C11orf65: variants seen among roughly 807,000 people sequenced by gnomAD.
C11orf65 encodes the protein protein MFI.
In C11orf65, 38 loss-of-function variants were observed where a neutral mutation model predicts 35.3. That is an observed-to-expected ratio of 1.08 (90% CI 0.83 to 1.41). C11orf65 has a LOEUF of 1.41. C11orf65 is among the 40% of genes most tolerant of loss of function. The pLI is 0.00. For synonymous variants in C11orf65, 105 were observed against 114.4 expected (o/e 0.92, Z 0.53); for missense variants, 370 against 367.1 (o/e 1.01, Z -0.06).
chr11:108,422,790 G>A lies in C11orf65; in HGVS notation c.174+8956C>T, dbSNP rs549861881. ...CCAGCTACTCGAGAGGCTGAGGCAG[G>A]AGCATCACTTGAACCTGGGAGGCGG... On this transcript the variant is annotated intron_variant, in intron 3 of 8. Coordinates refer to ENST00000393084, the MANE Select transcript of C11orf65 (RefSeq NM_152587.5). Among the ~76,000 whole-genome samples, 4 of 151,834 alleles carry A rather than the reference G, an allele frequency of 2.6e-5. No individual in the cohort carries two copies. The East Asian group carries it at 5.8e-4, about 22-fold the overall frequency.
downstream of C11orf65, chr11:108,329,354 C>T (rs2086018878): frequency 1.3e-5 from 12 of 954,724 alleles, no homozygotes; most frequent in Admixed American, 7.0e-5. Context: ...CTCTAAAGGT[C>T]GGCTTAACTA....
intron 6 of C11orf65, among the ~76,000 whole-genome samples, chr11:108,318,553 G>A (rs193269618): frequency 1.9e-3 from 296 of 151,834 alleles, no homozygotes; most frequent in African/African-American, 7.1e-3. Flanking sequence ...AGCTGGGTGT[G>A]CTGGAGCATG....
At chr11:108,371,983 TA>T (rs1304004639) in intron 2 of C11orf65, among the ~76,000 whole-genome samples, 1 of 152,206 alleles carries the variant, frequency 6.6e-6, no homozygotes, top group East Asian at 1.9e-4. Context: ...ACAAATCCTA[TA>T]AATGGTATTC....
intron 2 of C11orf65, among the ~76,000 whole-genome samples, chr11:108,344,872 C>G (rs1433973887): frequency 1.3e-5 from 2 of 151,960 alleles, no homozygotes; most frequent in African/African-American, 4.8e-5. Flanking sequence ...GTAATGGTGG[C>G]ACATGCCTGT....
In C11orf65 at chr11:108,321,314, G is replaced by A. The variant is rs1328099740; in HGVS notation, c.641-12243C>T. ...TTTTGCTACTAGAGTAAAAGAAGTG[G>A]AAGAGATGTGTAAGCGCAGCCTTGA... On this transcript the variant is annotated intron_variant, in intron 6 of 6. Coordinates refer to the C11orf65 transcript ENST00000525729. 2 of 1,613,980 alleles carry A rather than the reference G, an allele frequency of 1.2e-6. No individual in the cohort carries two copies. The highest frequency in any genetic ancestry group is 1.6e-4 in the Middle Eastern group (1 of 6,082).
intron 2 of C11orf65, chr11:108,346,496 G>A (rs990291858): frequency 2.0e-5 from 3 of 147,094 alleles, no homozygotes; most frequent in African/African-American, 7.5e-5. Flanking sequence ...TAATCTATTT[G>A]TTGTTTTTTT....
intron 6 of C11orf65, among the ~76,000 whole-genome samples, chr11:108,399,719 C>G (rs757523079): frequency 1.3e-4 from 20 of 152,154 alleles, no homozygotes; most frequent in Non-Finnish European, 2.6e-4. Flanking sequence ...CCATACAGAC[C>G]ACATTTATTT....
chr11:108,336,045 A>C, intron 2 of C11orf65: 3 of 1,083,834 alleles, frequency 2.8e-6, no homozygotes, highest in Non-Finnish European at 4.2e-6. Flanking sequence ...GCCCATATTC[A>C]TAATGCTTTG....
intron 2 of C11orf65, among the ~76,000 whole-genome samples, chr11:108,458,171 T>C (rs899848768): frequency 7.2e-5 from 11 of 152,050 alleles, no homozygotes; most frequent in African/African-American, 1.4e-4. Flanking sequence ...TTCTATCTTT[T>C]TTTTCTTTCT....
chr11:108,377,970 C>G (rs1298448216), downstream of C11orf65, among the ~76,000 whole-genome samples: 1,008 of 150,252 alleles, frequency 6.7e-3, 6 homozygotes, highest in African/African-American at 0.023. Flanking sequence ...CACTGCTCAA[C>G]GAAATAAAAG....
intron 2 of C11orf65, among the ~76,000 whole-genome samples, chr11:108,448,091 T>C (rs1404154284): frequency 9.2e-5 from 14 of 152,234 alleles, no homozygotes; most frequent in African/African-American, 1.9e-4. Flanking sequence ...CAGGAAGAAG[T>C]TGAATCTCTG....
At chr11:108,394,681 CATTT>C (rs2092261640) in intron 6 of C11orf65, among the ~76,000 whole-genome samples, 1 of 146,602 alleles carries the variant, frequency 6.8e-6, no homozygotes, top group Non-Finnish European at 1.5e-5. Context: ...AAGTTGTATT[CATTT>C]ATTAATTCAA....
chr11:108,361,645 A>T (rs1319391870), intron 2 of C11orf65, among the ~76,000 whole-genome samples: 1 of 151,786 alleles, frequency 6.6e-6, no homozygotes, highest in African/African-American at 2.4e-5. Context: ...ATAACGCCGC[A>T]TGTCTACAAC....
intron 3 of C11orf65, among the ~76,000 whole-genome samples, chr11:108,415,622 A>C (rs1379652318): frequency 6.6e-6 from 1 of 152,220 alleles, no homozygotes; most frequent in Admixed American, 6.5e-5. Context: ...ATAAATTTTA[A>C]GTGGAAAGGC....
chr11:108,362,587 A>G (rs1261952872), intron 2 of C11orf65, among the ~76,000 whole-genome samples: 38 of 145,172 alleles, frequency 2.6e-4, no homozygotes, highest in Admixed American at 3.4e-4. Flanking sequence ...AAGAAAATGT[A>G]GCACATATAC....
In C11orf65 at chr11:108,451,370, A is replaced by T. The variant is rs545440859; in HGVS notation, c.81+10109T>A. ...CATTCCTATACACCAATAACAGACA[A>T]ACAGAGAGCCAAATCATGAGTGAAC... On this transcript the variant is annotated intron_variant, in intron 2 of 8. Transcript: ENST00000393084. 1.0e-3 allele frequency among the ~76,000 whole-genome samples: 153 copies of T among 151,950 alleles called. 1 individual carries two copies. The highest frequency in any genetic ancestry group is 1.4e-3 in the Non-Finnish European group (98 of 68,034).
At chr11:108,375,972 C>T (rs2091711861) in intron 2 of C11orf65, among the ~76,000 whole-genome samples, 2 of 152,022 alleles carry the variant, frequency 1.3e-5, no homozygotes, top group African/African-American at 4.8e-5. Context: ...ACAGGAGCAC[C>T]CAGATTCATA....
At chr11:108,338,329 G>A (rs1042832521) in intron 2 of C11orf65, among the ~76,000 whole-genome samples, 3 of 152,166 alleles carry the variant, frequency 2.0e-5, no homozygotes, top group African/African-American at 7.2e-5. Flanking sequence ...TCCAGCCTGG[G>A]TGACAGACCG....
At chr11:108,332,505 CAGT>C (rs2086372529) in intron 3 of C11orf65, among the ~76,000 whole-genome samples, 2 of 151,912 alleles carry the variant, frequency 1.3e-5, no homozygotes, top group African/African-American at 2.4e-5. Context: ...TAGGAGATAC[CAGT>C]AGTAGTTTAC....
Sources: gnomAD v4.1 joint callset for allele counts (sites outside exome capture counted in the v4.1 genomes callset) on GRCh38, gnomAD v4.1.1 for gene constraint, MANE v1.5 for transcripts, NCBI Gene and HGNC (gene_info 2026-07-23, HGNC 2026-07-21) for gene names.